Variants in SLC25A21 observed in about 807,000 individuals in gnomAD.
SLC25A21 encodes solute carrier family 25 member 21, also known as mitochondrial 2-oxodicarboxylate carrier.
A neutral mutation model predicts 43.8 loss-of-function variants in SLC25A21; 47 were observed. That is an observed-to-expected ratio of 1.07 (90% CI 0.85 to 1.37). The LOEUF is 1.37. Ranked by LOEUF, SLC25A21 falls within the 40% of genes most tolerant of loss-of-function variation. SLC25A21 has a pLI of 0.00. For synonymous variants in SLC25A21, 131 were observed against 121.3 expected (o/e 1.08, Z -0.52); for missense variants, 352 against 350.2 (o/e 1.00, Z -0.04).
chr14:36,822,751 T>C (rs1351161248), intron 2 of SLC25A21, among the ~76,000 whole-genome samples: 1 of 152,244 alleles, frequency 6.6e-6, no homozygotes, highest in Non-Finnish European at 1.5e-5. Flanking sequence ...ATAGCCTGAA[T>C]ATACTTTAAG....
intron 1 of SLC25A21, among the ~76,000 whole-genome samples, chr14:36,913,697 G>A (rs1286239318): frequency 6.6e-6 from 1 of 152,186 alleles, no homozygotes; most frequent in East Asian, 1.9e-4. Flanking sequence ...CAAATGATAT[G>A]TTGTTAAAAG....
intron 1 of SLC25A21, among the ~76,000 whole-genome samples, chr14:36,876,640 T>G (rs1490962100): frequency 6.6e-6 from 1 of 152,042 alleles, no homozygotes; most frequent in Non-Finnish European, 1.5e-5. Context: ...GAATTCACAT[T>G]TACCCCCAAA....
chr14:36,696,923 G>T (rs865896565), intron 7 of SLC25A21, among the ~76,000 whole-genome samples: 2 of 152,032 alleles, frequency 1.3e-5, no homozygotes, highest in Non-Finnish European at 2.9e-5. Context: ...GTTCTGCTCC[G>T]ATTGTAGTTA....
At chr14:37,008,492 A>G (rs1028685486) in intron 1 of SLC25A21, among the ~76,000 whole-genome samples, 1 of 152,220 alleles carries the variant, frequency 6.6e-6, no homozygotes, top group Non-Finnish European at 1.5e-5. Flanking sequence ...TCCTGCAGCA[A>G]CTGGAACCAC....
Position 36,762,787 on chromosome 14 carries a change from T to A in SLC25A21, c.204-28214A>T, listed in dbSNP as rs576950560. Among the ~76,000 whole-genome samples the A allele has an allele frequency of 5.3e-5, 8 of 152,326 alleles. No homozygotes were observed. In the South Asian group the frequency reaches 1.7e-3, roughly 32 times the overall value. On this transcript the variant is annotated intron_variant, in intron 3 of 9. Coordinates refer to ENST00000331299, the MANE Select transcript of SLC25A21 (RefSeq NM_030631.4). ...TTGGTATAGGGATTCATTGAAGGAA[T>A]GTTTGTAAAGAGCTCACACCTGTGC...
chr14:36,818,937 A>T (rs1361178377), intron 2 of SLC25A21, among the ~76,000 whole-genome samples: 1 of 152,220 alleles, frequency 6.6e-6, no homozygotes. Context: ...AGGCAAAGCC[A>T]CACCACTCTT....
At position 37,150,909 on chromosome 14, in the gene SLC25A21, G is replaced by T. The variant is rs190700697; in HGVS notation, c.70+21372C>A. Among the ~76,000 whole-genome samples, 219 of 152,092 alleles carry T rather than the reference G, an allele frequency of 1.4e-3. 1 individual carries two copies. The highest frequency in any genetic ancestry group is 4.9e-3 in the African/African-American group (203 of 41,476). ...ATAATAACAGCAATAGAAGCCTCAA[G>T]CAATCAGAACAAAAACTAATGTTTT... is the stretch of plus-strand genomic sequence containing the variant. On this transcript the variant is annotated intron_variant, in intron 1 of 9. Transcript: ENST00000331299.
intron 6 of SLC25A21, among the ~76,000 whole-genome samples, chr14:36,718,019 T>G (rs1884217908): frequency 6.6e-6 from 1 of 152,134 alleles, no homozygotes; most frequent in East Asian, 1.9e-4. Context: ...GTTAAAAAAG[T>G]ATTATGTTAA....
intron 1 of SLC25A21, among the ~76,000 whole-genome samples, chr14:37,023,735 T>G (rs945463437): frequency 1.3e-5 from 2 of 151,954 alleles, no homozygotes; most frequent in African/African-American, 4.8e-5. Flanking sequence ...AAATAATACT[T>G]CTTTGGCTTC....
At chr14:36,812,385 T>C (rs189731113) in intron 3 of SLC25A21, among the ~76,000 whole-genome samples, 87 of 151,872 alleles carry the variant, frequency 5.7e-4, no homozygotes, top group Non-Finnish European at 8.7e-4. Flanking sequence ...AAAACATGCA[T>C]ATCATTTGAT....
chr14:36,959,584 T>C (rs1959436741), intron 1 of SLC25A21, among the ~76,000 whole-genome samples: 1 of 152,090 alleles, frequency 6.6e-6, no homozygotes, highest in Non-Finnish European at 1.5e-5. Flanking sequence ...ACTGGTCTCA[T>C]GTCACTAAGG....
At chr14:36,757,495 C>A (rs987013606) in intron 3 of SLC25A21, among the ~76,000 whole-genome samples, 1 of 152,098 alleles carries the variant, frequency 6.6e-6, no homozygotes, top group African/African-American at 2.4e-5. Context: ...AATATATGAA[C>A]ACATAGATCG....
At chr14:36,846,871 T>C (rs893387465) in intron 2 of SLC25A21, among the ~76,000 whole-genome samples, 5 of 152,180 alleles carry the variant, frequency 3.3e-5, no homozygotes, top group African/African-American at 1.2e-4. Flanking sequence ...GCAAATAATG[T>C]ACACGGGTCT....
intron 1 of SLC25A21, among the ~76,000 whole-genome samples, chr14:37,045,905 G>A (rs1180894457): frequency 6.6e-6 from 1 of 152,182 alleles, no homozygotes; most frequent in Non-Finnish European, 1.5e-5. Flanking sequence ...AAGCATGGTT[G>A]TGCTAATACT....
chr14:37,007,587 G>A (rs1960632936), intron 1 of SLC25A21, among the ~76,000 whole-genome samples: 1 of 120,554 alleles, frequency 8.3e-6, no homozygotes, highest in Admixed American at 8.2e-5. Flanking sequence ...TGACAGACAA[G>A]ACTCCCTCTC....
At chr14:36,713,021 AG>A (rs1457288442) in intron 6 of SLC25A21, among the ~76,000 whole-genome samples, 1 of 152,066 alleles carries the variant, frequency 6.6e-6, no homozygotes, top group Admixed American at 6.6e-5. Flanking sequence ...GGGGAAGGAG[AG>A]GGCAGCTTTC....
At chr14:37,045,659 G>C (rs1447259582) in intron 1 of SLC25A21, among the ~76,000 whole-genome samples, 1 of 152,174 alleles carries the variant, frequency 6.6e-6, no homozygotes, top group Non-Finnish European at 1.5e-5. Context: ...TTTGGACCTG[G>C]AAGGTCAGGC....
At chr14:36,748,994 T>C (rs765502689) in intron 3 of SLC25A21, among the ~76,000 whole-genome samples, 12 of 152,236 alleles carry the variant, frequency 7.9e-5, no homozygotes, top group African/African-American at 2.4e-4. Context: ...TAAAGGGAAG[T>C]GTAAACAGAC....
At chr14:37,017,561 C>G (rs1399845710) in intron 1 of SLC25A21, among the ~76,000 whole-genome samples, 3 of 151,932 alleles carry the variant, frequency 2.0e-5, no homozygotes, top group Admixed American at 6.6e-5. Flanking sequence ...TCCAAGTGAG[C>G]ACACGCTGCT....
Sources: allele counts gnomAD v4.1 joint callset (sites outside exome capture counted in the v4.1 genomes callset), GRCh38; gene constraint gnomAD v4.1.1; transcripts MANE v1.5; gene names NCBI Gene and HGNC (gene_info 2026-07-23, HGNC 2026-07-21).